PDK1: variants seen among roughly 807,000 people sequenced by gnomAD.
PDK1 encodes the protein [Pyruvate dehydrogenase (acetyl-transferring)] kinase isozyme 1, mitochondrial.
In PDK1, 39 loss-of-function variants were observed where a neutral mutation model predicts 54.2. That is an observed-to-expected ratio of 0.72 (90% CI 0.56 to 0.94). PDK1 has a LOEUF of 0.94. Among genes scored for constraint, PDK1 ranks in the 40% least tolerant of loss-of-function variants. The pLI, the probability that PDK1 is intolerant of heterozygous loss-of-function variation, is 0.00. For missense variants in PDK1, 552 were observed against 566.0 expected (o/e 0.98, Z 0.25); for synonymous variants, 221 against 207.1 (o/e 1.07, Z -0.58).
Position 172,570,638 on chromosome 2 carries a change from A to G in PDK1, c.847-88A>G, listed in dbSNP as rs187304882. 0.017 allele frequency: 11,040 copies of G among 633,072 alleles called. 168 individuals carry two copies. The highest frequency in any genetic ancestry group is 0.046 in the South Asian group (1,676 of 36,348). 39.2% of individuals were successfully genotyped at this position (633,072 alleles called of 1,614,324 possible). A position where few individuals can be genotyped will look rare whatever the true frequency, so the allele number is the denominator to read the frequency against. On this transcript the variant is annotated intron_variant, in intron 7 of 10. Transcript: ENST00000282077. ...TTTGGCATATTTCCATCAAATTTTA[A>G]AACTTCAAATAGTGCATATGTACTT...
chr2:172,581,731 T>A (rs989301666), intron 8 of PDK1, among the ~76,000 whole-genome samples: 5 of 152,026 alleles, frequency 3.3e-5, no homozygotes, highest in Non-Finnish European at 1.5e-5. Context: ...CTTGGTTTTG[T>A]TTCTTCCCCA....
chr2:172,708,276 GAA>G, the PDK1 span, among the ~76,000 whole-genome samples: 3 of 135,492 alleles, frequency 2.2e-5, no homozygotes, highest in Non-Finnish European at 1.6e-5. Context: ...GCGACAGAGT[GAA>G]AAAAAAAAAA....
chr2:172,609,880 G>T (rs909779387), downstream of PDK1, among the ~76,000 whole-genome samples: 1 of 152,038 alleles, frequency 6.6e-6, no homozygotes, highest in African/African-American at 2.4e-5. Flanking sequence ...GGAGTGCAGT[G>T]GTGTGATCTC....
At chr2:172,647,165 G>A in the PDK1 span, among the ~76,000 whole-genome samples, 7 of 152,116 alleles carry the variant, frequency 4.6e-5, no homozygotes, top group East Asian at 1.9e-4. Flanking sequence ...AAACATGGAC[G>A]AGCTTCAGAA....
the PDK1 span, among the ~76,000 whole-genome samples, chr2:172,635,369 G>T: frequency 1.3e-5 from 2 of 152,144 alleles, no homozygotes; most frequent in Admixed American, 6.5e-5. Flanking sequence ...AGGCTGGAGC[G>T]CAATGGTGCG....
At chr2:172,627,120 G>A in the PDK1 span, among the ~76,000 whole-genome samples, 5 of 152,212 alleles carry the variant, frequency 3.3e-5, no homozygotes, top group African/African-American at 1.2e-4. Flanking sequence ...CATTTCAGAT[G>A]TAGAGGATTG....
the PDK1 span, among the ~76,000 whole-genome samples, chr2:172,668,053 TA>T: frequency 6.6e-6 from 1 of 152,178 alleles, no homozygotes; most frequent in Non-Finnish European, 1.5e-5. Context: ...GGAGCCTATT[TA>T]AAGGATTGAC....
At chr2:172,669,136 T>C in the PDK1 span, among the ~76,000 whole-genome samples, 1 of 141,362 alleles carries the variant, frequency 7.1e-6, no homozygotes, top group Non-Finnish European at 1.5e-5. Context: ...CTCGGCTCAC[T>C]GCAAGCTCCG....
the PDK1 span, chr2:172,723,177 AC>A: frequency 6.6e-6 from 1 of 152,274 alleles, no homozygotes; most frequent in South Asian, 2.1e-4. Flanking sequence ...TAAAAAGCAG[AC>A]AGACCCCTTC....
the PDK1 span, among the ~76,000 whole-genome samples, chr2:172,665,499 G>A: frequency 6.6e-6 from 1 of 152,134 alleles, no homozygotes; most frequent in Non-Finnish European, 1.5e-5. Context: ...TATGCTGAAG[G>A]TGTGGCTTGC....
the PDK1 span, among the ~76,000 whole-genome samples, chr2:172,652,943 C>T: frequency 6.6e-6 from 1 of 152,166 alleles, no homozygotes; most frequent in Middle Eastern, 3.2e-3. Flanking sequence ...CTACCAGTGA[C>T]TTTCTTCACA....
At chr2:172,670,208 G>C in the PDK1 span, among the ~76,000 whole-genome samples, 190 of 152,286 alleles carry the variant, frequency 1.2e-3, 2 homozygotes, top group African/African-American at 4.3e-3. Context: ...TCATGCCACT[G>C]TGCCCAGCTA....
chr2:172,623,692 T>A, the PDK1 span, among the ~76,000 whole-genome samples: 3 of 152,136 alleles, frequency 2.0e-5, no homozygotes, highest in South Asian at 6.2e-4. Flanking sequence ...AGGAGACCCA[T>A]AAACCTCAGT....
At chr2:172,590,947 C>A (rs1397460874) in intron 9 of PDK1, among the ~76,000 whole-genome samples, 1 of 152,168 alleles carries the variant, frequency 6.6e-6, no homozygotes, top group African/African-American at 2.4e-5. Context: ...TATACCCCAA[C>A]TGTTGTTGGG....
At chr2:172,683,549 T>A in the PDK1 span, among the ~76,000 whole-genome samples, 1 of 152,034 alleles carries the variant, frequency 6.6e-6, no homozygotes, top group Non-Finnish European at 1.5e-5. Context: ...AAATTTGAGA[T>A]GTTAATTCAT....
At chr2:172,663,573 G>T in the PDK1 span, among the ~76,000 whole-genome samples, 15 of 151,762 alleles carry the variant, frequency 9.9e-5, no homozygotes, top group East Asian at 2.9e-3. Context: ...AGGCTCAAGC[G>T]ATCCTCCTGT....
At chr2:172,570,918 A>G (rs367865907) in intron 8 of PDK1, 94 bp downstream of exon 8, 30 of 687,542 alleles carry the variant, frequency 4.4e-5, no homozygotes, top group South Asian at 4.1e-4. Flanking sequence ...TCTAAAAGAC[A>G]TAATCTACTC....
the PDK1 span, among the ~76,000 whole-genome samples, chr2:172,666,374 C>G: frequency 6.6e-6 from 1 of 152,286 alleles, no homozygotes; most frequent in South Asian, 2.1e-4. Context: ...AAATAGCACT[C>G]AAACATAAAT....
chr2:172,568,560 G>A (rs149225351), intron 6 of PDK1, among the ~76,000 whole-genome samples, 181 bp from the exon 7 acceptor site: 10 of 152,268 alleles, frequency 6.6e-5, no homozygotes, highest in Non-Finnish European at 8.8e-5. Context: ...ATCATCAGTT[G>A]TAAATATTTG....
Sources: allele counts gnomAD v4.1 joint callset (sites outside exome capture counted in the v4.1 genomes callset), GRCh38; gene constraint gnomAD v4.1.1; transcripts MANE v1.5; gene names NCBI Gene and HGNC (gene_info 2026-07-23, HGNC 2026-07-21).